Variants in SHANK1 observed in about 807,000 individuals in gnomAD.
SHANK1 encodes SH3 and multiple ankyrin repeat domains 1, also known as SH3 and multiple ankyrin repeat domains protein 1.
In SHANK1, 35 loss-of-function variants were observed where a neutral mutation model predicts 165.6. That is an observed-to-expected ratio of 0.21 (90% CI 0.16 to 0.28). SHANK1 has a LOEUF of 0.28. Ranked by LOEUF, SHANK1 falls within the 10% of genes least tolerant of loss-of-function variation. The pLI, the probability that SHANK1 is intolerant of heterozygous loss-of-function variation, is 1.00. For synonymous variants in SHANK1, 1,428 were observed against 1,384.8 expected (o/e 1.03, Z -0.69); for missense variants, 2,681 against 3,036.4 (o/e 0.88, Z 2.75).
At chr19:50,664,979 G>C (rs1032471808) in intron 23 of SHANK1, among the ~76,000 whole-genome samples, 1 of 152,046 alleles carries the variant, frequency 6.6e-6, no homozygotes, top group African/African-American at 2.4e-5. Context: ...GGATGGTCTC[G>C]ATCTTCTGAC....
chr19:50,679,764 G>A (rs576053252), intron 21 of SHANK1, among the ~76,000 whole-genome samples: 34 of 152,154 alleles, frequency 2.2e-4, no homozygotes, highest in African/African-American at 7.0e-4. Context: ...ACAGAGATGG[G>A]GGGACAGAGA....
Position 50,714,200 on chromosome 19 carries a change from G to A in SHANK1, c.622C>T (p.His208Tyr). 1.9e-6 allele frequency: 3 copies of A among 1,614,076 alleles called. No homozygotes were observed. The highest frequency in any genetic ancestry group is 2.5e-6 in the Non-Finnish European group (3 of 1,179,962). ...LLDKGLDPNY[H>Y]DSDSGETPLT... ...TCCCTACCTCCCGAATCCGAGTCAT[G>A]GTAATTGGGGTCCAGCCCCTTGTCC... The change falls in exon 5 of 24, where the codon CAT (histidine) becomes TAT (tyrosine). Residue 208 changes from histidine to tyrosine, a missense_variant. By Grantham distance (83) the His-to-Tyr change is moderately conservative. Around this residue, in one of 10 missense-constraint regions of SHANK1, gnomAD observed 189 missense variants for 440.9 expected, o/e 0.43. Coordinates refer to ENST00000293441, the MANE Select transcript of SHANK1 (RefSeq NM_016148.5).
At chr19:50,699,804 A>G (rs1443416069) in intron 12 of SHANK1, among the ~76,000 whole-genome samples, 5 of 117,364 alleles carry the variant, frequency 4.3e-5, no homozygotes, top group Admixed American at 8.4e-5. Context: ...GGGCTTTGGG[A>G]GATTGGAGGG....
rs960785134 is a variant in SHANK1, at chr19:50,668,694, G to A, written c.3266C>T (p.Pro1089Leu). ...GPALRYFQLP[P>L]RAASAAMYVP... Reference sequence around the variant, plus strand: ...GTACATGGCTGCGCTGGCCGCCCGCGGGGGCAGCTGGAAATAGCGTAGAGC... The same window carrying A: ...GTACATGGCTGCGCTGGCCGCCCGCAGGGGCAGCTGGAAATAGCGTAGAGC... Residue 1089 changes from proline (P) to leucine (L), a missense_variant, in exon 23 of 24, where the codon CCG becomes CTG. By Grantham distance (98) the Pro-to-Leu change is moderately conservative. Transcript: ENST00000293441. The A allele has an allele frequency of 7.7e-6, 10 of 1,302,716 alleles. No individual in the cohort carries two copies. The highest frequency in any genetic ancestry group is 9.7e-6 in the Non-Finnish European group (10 of 1,031,878). The allele number at this position is 1,302,716 out of a possible 1,614,324, so 80.7% of individuals were successfully genotyped here.
intron 8 of SHANK1, chr19:50,711,030 C>T (rs981227166): frequency 3.8e-5 from 8 of 212,960 alleles, no homozygotes; most frequent in Admixed American, 5.5e-5. Flanking sequence ...TGTGGGCTCC[C>T]GCAGGGATCT....
intron 21 of SHANK1, among the ~76,000 whole-genome samples, chr19:50,681,638 A>T (rs1205911040): frequency 6.6e-6 from 1 of 152,158 alleles, no homozygotes; most frequent in Admixed American, 6.5e-5. Context: ...GACTTGCTCT[A>T]ATTAGTTTAT....
rs893889963 is a variant in SHANK1, at chr19:50,718,568, C to T, written c.-44+838G>A. On this transcript the variant is annotated intron_variant, in intron 1 of 23. Transcript: ENST00000293441. The surrounding 1 kb of genome is among the most constrained non-coding windows in gnomAD (Gnocchi z 5.1). ...CCGGGGCGGCATGAATCAAACGCTC[C>T]GCGGCTAAGAATAGCTGGCACGCAG... Among the ~76,000 whole-genome samples the T allele has an allele frequency of 1.3e-5, 2 of 152,096 alleles. No homozygotes were observed. Among genetic ancestry groups the T allele is most frequent in the Admixed American group, 1.3e-4 (2 of 15,278 alleles).
chr19:50,678,798 G>A (rs150336366), intron 21 of SHANK1, among the ~76,000 whole-genome samples: 1,579 of 10,406 alleles, frequency 0.15, 277 homozygotes, highest in Non-Finnish European at 0.21. Flanking sequence ...GTGATGGGGA[G>A]GGGTCAAGAT....
chr19:50,695,411 G>C (rs1000782173), intron 15 of SHANK1, among the ~76,000 whole-genome samples: 3 of 150,546 alleles, frequency 2.0e-5, no homozygotes, highest in East Asian at 2.0e-4. Context: ...GGCCGGGCAG[G>C]GGGGAGGGGG....
At position 50,659,449 on chromosome 19, in the gene SHANK1, G is replaced by A. The variant is rs1192567483; in HGVS notation, c.*2516C>T. 4 of 242,966 alleles carry A rather than the reference G, an allele frequency of 1.6e-5. No individual in the cohort carries two copies. Among genetic ancestry groups the A allele is most frequent in the Non-Finnish European group, 2.3e-5 (3 of 127,932 alleles). The allele number at this position is 242,966 out of a possible 1,614,324, so 15.1% of individuals were successfully genotyped here. On this transcript the variant is annotated 3_prime_UTR_variant, in exon 24 of 24. Transcript: ENST00000293441. ...GGACGCCTGGGTCCCAATCCCTTGA[G>A]GGATGAACTGAAGCCCGCGAAAGGG...
At chr19:50,672,555 CAAAAAAAAAAAAAAA>C (rs3987747) in intron 21 of SHANK1, among the ~76,000 whole-genome samples, 2 of 35,508 alleles carry the variant, frequency 5.6e-5, no homozygotes, top group African/African-American at 2.3e-4. Flanking sequence ...GACTCTGTCT[CAAAAAAAAAAAAAAA>C]AAAAAAAAAA....
intron 7 of SHANK1, 22 bp from the exon 8 acceptor site, chr19:50,711,509 G>A (rs1351927987): frequency 2.6e-6 from 4 of 1,537,246 alleles, no homozygotes; most frequent in South Asian, 1.2e-5. Context: ...AGGGAGCGAG[G>A]GGCATGGATC....
chr19:50,695,855 G>C (rs1986721920), intron 15 of SHANK1, among the ~76,000 whole-genome samples: 2 of 152,248 alleles, frequency 1.3e-5, no homozygotes, highest in East Asian at 3.9e-4. Context: ...CTCCCCGAGA[G>C]AGCGTGGACC....
chr19:50,667,126 C>T lies in SHANK1; in HGVS notation c.4834G>A (p.Ala1612Thr), dbSNP rs1985559437. 1 of 1,529,578 alleles carries T rather than the reference C, an allele frequency of 6.5e-7. No homozygotes were observed. Among genetic ancestry groups the T allele is most frequent in the Non-Finnish European group, 8.8e-7 (1 of 1,137,936 alleles). 94.8% of individuals were successfully genotyped at this position (1,529,578 alleles called of 1,614,324 possible). A position where few individuals can be genotyped will look rare whatever the true frequency, so the allele number is the denominator to read the frequency against. ...LPPVPPPAVA[A>T]APPTLDSTAS... ...GTGGAGTCCAGGGTGGGAGGGGCTG[C>T]GGCCACAGCCGGGGGTGGCACAGGG... The change falls in exon 23 of 24, where the codon GCA becomes ACA. Residue 1612 changes from alanine to threonine, a missense_variant. Physicochemically the swap from Ala to Thr is moderately conservative, Grantham distance 58. This residue lies in a region of SHANK1 where 1,713 missense variants were observed against 1,630.2 expected (regional missense o/e 1.05). Coordinates refer to ENST00000293441, the MANE Select transcript of SHANK1 (RefSeq NM_016148.5). The surrounding 1 kb of genome is among the most constrained non-coding windows in gnomAD (Gnocchi z 5.7).
intron 8 of SHANK1, among the ~76,000 whole-genome samples, chr19:50,705,076 C>G (rs2088921999): frequency 6.6e-6 from 1 of 151,906 alleles, no homozygotes; most frequent in Admixed American, 6.6e-5. Flanking sequence ...TGTGGTGACA[C>G]ACACCTGTAA....
intron 21 of SHANK1, among the ~76,000 whole-genome samples, chr19:50,674,218 C>T (rs939272750): frequency 3.3e-5 from 5 of 151,922 alleles, no homozygotes; most frequent in Non-Finnish European, 5.9e-5. Context: ...CCCCGGTCCC[C>T]GCATAGGGCC....
Position 50,704,519 on chromosome 19 carries a change from G to A in SHANK1, c.1078-5C>T, listed in dbSNP as rs772657756. ...GAGGATCCTGGCACAGGTCTCCTGC[G>A]GGTAATGGCCAGTGGCACAGGACAA... On this transcript the variant is annotated splice_polypyrimidine_tract_variant and splice_region_variant and intron_variant, in intron 8 of 23. Transcript: ENST00000293441. 99 of 1,613,456 alleles carry A rather than the reference G, an allele frequency of 6.1e-5. No homozygotes were observed. The highest frequency in any genetic ancestry group is 7.7e-5 in the Non-Finnish European group (91 of 1,179,474).
rs1386523597 is a variant in SHANK1, at chr19:50,717,378, G to A, written c.-43-416C>T. ...AACTGACAGGCATCCTGCCCTCCTGGCCCCAGCCTGGCCCCTCATCCCAGG... is the reference window on the plus strand; with the variant it reads ...AACTGACAGGCATCCTGCCCTCCTGACCCCAGCCTGGCCCCTCATCCCAGG... On this transcript the variant is annotated intron_variant, in intron 1 of 23. Transcript: ENST00000293441. This position sits in a 1 kb window ranked among gnomAD's most constrained non-coding sequence, Gnocchi z 5.5. Among the ~76,000 whole-genome samples the A allele has an allele frequency of 6.6e-6, 1 of 152,218 alleles. No homozygotes were observed. Among genetic ancestry groups the A allele is most frequent in the Admixed American group, 6.5e-5 (1 of 15,284 alleles).
rs981902744 is a variant in SHANK1, at chr19:50,712,040, C to T, written c.867G>A (p.Met289Ile). 1 of 1,613,940 alleles carries T rather than the reference C, an allele frequency of 6.2e-7. No homozygotes were observed. The highest frequency in any genetic ancestry group is 8.5e-7 in the Non-Finnish European group (1 of 1,179,974). ...CGCAGCATCGGGGGTCACCACCCAC[C>T]ATGGCCGTGTGGAACAGAGGGGTCA... ...RGLTPLFHTAMVGGDPRCCEL... is the reference protein window; with the variant it reads ...RGLTPLFHTAIVGGDPRCCEL... The change falls in exon 7 of 24, where the codon ATG becomes ATA. Residue 289 changes from methionine (M) to isoleucine (I), a missense_variant. By Grantham distance (10) the Met-to-Ile change is conservative (BLOSUM62 1). This residue lies in a region of SHANK1 where 189 missense variants were observed against 440.9 expected (regional missense o/e 0.43). Transcript: ENST00000293441.
Sources: gnomAD v4.1 joint callset for allele counts (sites outside exome capture counted in the v4.1 genomes callset) on GRCh38, gnomAD v4.1.1 for gene constraint, gnomAD v4.1.1 regional missense constraint, Gnocchi (gnomAD v3.1) non-coding constraint, MANE v1.5 for transcripts, NCBI Gene and HGNC (gene_info 2026-07-23, HGNC 2026-07-21) for gene names.